Variants in CAMTA1 observed in about 807,000 individuals in gnomAD.
The protein encoded by CAMTA1 is calmodulin-binding transcription activator 1.
Under a neutral mutation model 170.9 loss-of-function variants are expected in CAMTA1, and 27 were observed. The ratio of observed to expected loss-of-function variants is 0.16; its 90% confidence interval spans 0.12 to 0.22. The LOEUF is 0.22. Ranked by LOEUF, CAMTA1 falls within the 10% of genes least tolerant of loss-of-function variation. The probability of loss-of-function intolerance (pLI) is 1.00; values close to 1 mark genes in which losing one functional copy is unlikely to be tolerated. For synonymous variants in CAMTA1, 833 were observed against 891.5 expected, an observed-to-expected ratio of 0.93 and a Z score of 1.17; for missense variants, 1,619 against 2,217.2, an observed-to-expected ratio of 0.73 and a Z score of 5.42.
At chr1:7,540,576 G>A (rs1056407220) in intron 6 of CAMTA1, among the ~76,000 whole-genome samples, 3 of 152,194 alleles carry the variant, frequency 2.0e-5, no homozygotes, top group Non-Finnish European at 4.4e-5. Flanking sequence ...ACTGGTGCAG[G>A]AAATGTTGTG....
At chr1:7,654,769 C>G (rs1367549913) in intron 7 of CAMTA1, among the ~76,000 whole-genome samples, 1 of 133,524 alleles carries the variant, frequency 7.5e-6, no homozygotes, top group Non-Finnish European at 1.6e-5. Context: ...ACACACCCAC[C>G]TAAACACACA....
chr1:7,077,772 G>C (rs982436912), intron 3 of CAMTA1, among the ~76,000 whole-genome samples: 1 of 152,108 alleles, frequency 6.6e-6, no homozygotes, highest in Admixed American at 6.6e-5. Context: ...GTACTTGGAG[G>C]CTGGAAGGGC....
At position 7,350,782 on chromosome 1, in the gene CAMTA1, A is replaced by G. The variant is rs1349078305; in HGVS notation, c.438+101156A>G. ...CTGGGTACCTGTGTATATGCACAAC[A>G]CATATGCACCATGCTTTGTACAAAA... On this transcript the variant is annotated intron_variant, in intron 5 of 22. Coordinates refer to ENST00000303635, the MANE Select transcript of CAMTA1 (RefSeq NM_015215.4). 2.0e-5 allele frequency among the ~76,000 whole-genome samples: 3 copies of G among 152,298 alleles called. No individual in the cohort carries two copies. The East Asian group carries it at 5.8e-4, about 29-fold the overall frequency.
At chr1:7,551,355 T>C (rs72865457) in intron 6 of CAMTA1, among the ~76,000 whole-genome samples, 1 of 151,488 alleles carries the variant, frequency 6.6e-6, no homozygotes, top group Non-Finnish European at 1.5e-5. Flanking sequence ...TGCATGAGTG[T>C]GTATGTGCAT....
chr1:7,446,180 T>TG (rs2092675983), intron 5 of CAMTA1, among the ~76,000 whole-genome samples: 1 of 115,828 alleles, frequency 8.6e-6, no homozygotes, highest in African/African-American at 5.2e-5. Flanking sequence ...AACTCTGCTG[T>TG]GAAAAAAAAA....
chr1:7,365,975 G>A (rs930897373), intron 5 of CAMTA1, among the ~76,000 whole-genome samples: 6 of 152,146 alleles, frequency 3.9e-5, no homozygotes, highest in African/African-American at 1.4e-4. Flanking sequence ...ATGGCCCTCT[G>A]GGCTCACTTG....
At chr1:7,147,248 G>A (rs1483569937) in intron 4 of CAMTA1, among the ~76,000 whole-genome samples, 1 of 151,956 alleles carries the variant, frequency 6.6e-6, no homozygotes, top group Non-Finnish European at 1.5e-5. Context: ...GTGAAACCCC[G>A]TCTCTACTAA....
intron 10 of CAMTA1, among the ~76,000 whole-genome samples, chr1:7,676,011 C>T (rs571579204): frequency 3.1e-3 from 469 of 152,340 alleles, no homozygotes; most frequent in Middle Eastern, 0.017. Flanking sequence ...TCCCCCCCGA[C>T]CCCAAGCTGG....
At chr1:6,806,772 A>G (rs1261637237) in intron 1 of CAMTA1, among the ~76,000 whole-genome samples, 1 of 152,254 alleles carries the variant, frequency 6.6e-6, no homozygotes. Flanking sequence ...GAGAACTAGC[A>G]GATTATATAT....
intron 3 of CAMTA1, among the ~76,000 whole-genome samples, chr1:7,011,255 A>C (rs1699734428): frequency 6.6e-6 from 1 of 151,932 alleles, no homozygotes. Flanking sequence ...CCGAGACTGG[A>C]GGGCAATGCT....
intron 11 of CAMTA1, among the ~76,000 whole-genome samples, chr1:7,696,567 A>AT (rs1336377031): frequency 6.6e-6 from 1 of 151,154 alleles, no homozygotes; most frequent in African/African-American, 2.4e-5. Flanking sequence ...GATTTAGTGC[A>AT]TTTTTTGAGA....
At chr1:7,746,303 A>G (rs1577374958) in intron 18 of CAMTA1, among the ~76,000 whole-genome samples, 1 of 152,344 alleles carries the variant, frequency 6.6e-6, no homozygotes. Flanking sequence ...TAAAATATTC[A>G]TAACATAAAG....
At chr1:6,865,577 T>C (rs1181176869) in intron 3 of CAMTA1, among the ~76,000 whole-genome samples, 44 of 152,202 alleles carry the variant, frequency 2.9e-4, no homozygotes, top group Non-Finnish European at 4.4e-5. Context: ...CCTTGTAAGT[T>C]GTGGAAAGAA....
At chr1:7,394,797 A>G (rs890004260) in intron 5 of CAMTA1, among the ~76,000 whole-genome samples, 4 of 141,236 alleles carry the variant, frequency 2.8e-5, no homozygotes, top group Admixed American at 7.2e-5. Context: ...CATTTCCCCT[A>G]TATTTTCTTG....
intron 4 of CAMTA1, among the ~76,000 whole-genome samples, chr1:7,141,415 A>G (rs990987008): frequency 2.6e-5 from 4 of 152,206 alleles, no homozygotes; most frequent in Admixed American, 1.3e-4. Context: ...CTGTTAAAAT[A>G]TGGACCACTG....
At chr1:7,728,852 T>A (rs190447055) in intron 11 of CAMTA1, among the ~76,000 whole-genome samples, 86 of 152,244 alleles carry the variant, frequency 5.6e-4, no homozygotes, top group African/African-American at 1.9e-3. Context: ...TCTGTAGTCA[T>A]CTTGTGTTTT....
chr1:6,837,039 C>T (rs1048060855), intron 3 of CAMTA1, among the ~76,000 whole-genome samples: 5 of 151,646 alleles, frequency 3.3e-5, no homozygotes, highest in African/African-American at 7.3e-5. Flanking sequence ...CTGCAATCTC[C>T]GCCACCCGGG....
At chr1:7,106,538 A>C (rs1409480608) in intron 4 of CAMTA1, among the ~76,000 whole-genome samples, 1 of 152,148 alleles carries the variant, frequency 6.6e-6, no homozygotes, top group Non-Finnish European at 1.5e-5. Flanking sequence ...ACCAGAGCCC[A>C]GCTCTTTCTT....
At chr1:7,567,867 G>C (rs1246304034) in intron 6 of CAMTA1, among the ~76,000 whole-genome samples, 1 of 152,164 alleles carries the variant, frequency 6.6e-6, no homozygotes, top group East Asian at 1.9e-4. Context: ...TCACAGCTGG[G>C]CTCTGCCACT....
Sources: gnomAD v4.1 joint callset for allele counts (sites outside exome capture counted in the v4.1 genomes callset) on GRCh38, gnomAD v4.1.1 for gene constraint, MANE v1.5 for transcripts, NCBI Gene and HGNC (gene_info 2026-07-23, HGNC 2026-07-21) for gene names.